TNRC6B: variants seen among roughly 807,000 people sequenced by gnomAD.
TNRC6B encodes trinucleotide repeat-containing gene 6B protein.
In TNRC6B, 52 loss-of-function variants were observed where a neutral mutation model predicts 203.6. The ratio of observed to expected loss-of-function variants is 0.26; its 90% confidence interval spans 0.20 to 0.32. The LOEUF (loss-of-function observed/expected upper bound fraction) is 0.32. TNRC6B is among the 10% of genes least tolerant of loss of function. The pLI is 1.00. For missense variants in TNRC6B, 1,923 were observed against 2,286.2 expected (o/e 0.84, Z 3.24); for synonymous variants, 838 against 845.7 (o/e 0.99, Z 0.16).
intron 3 of TNRC6B, among the ~76,000 whole-genome samples, chr22:40,260,076 CCGA>C (rs954286605): frequency 6.6e-6 from 1 of 151,858 alleles, no homozygotes; most frequent in Non-Finnish European, 1.5e-5. Flanking sequence ...CACGGTTGCC[CCGA>C]CATTCCCACG....
At chr22:40,281,469 C>T (rs1002918903) in intron 11 of TNRC6B, among the ~76,000 whole-genome samples, 180 bp downstream of exon 11, 2 of 151,258 alleles carry the variant, frequency 1.3e-5, no homozygotes, top group African/African-American at 4.8e-5. Context: ...TCATGTTTTT[C>T]AACACGGATT....
rs2146500307 is a variant in TNRC6B at position 40,266,049 on chromosome 22, CTT to C, written c.1822_1823del (p.Leu608GlufsTer4). The C allele has an allele frequency of 6.2e-7, 1 of 1,613,724 alleles. No individual in the cohort carries two copies. The highest frequency in any genetic ancestry group is 1.1e-5 in the South Asian group (1 of 91,086). ...HPDCQAVLQTLLSRTDLDPRV... is the reference protein window; with the variant it reads ...HPDCQAVLQTXLSRTDLDPRV... ...TGATTGTCAGGCTGTCTTGCAGACT[CTT>C]TTGAGCCGAACTGATTTGGACCCCA... On this transcript the variant is annotated frameshift_variant, in exon 5 of 23. Transcript: ENST00000454349. LOFTEE classifies it high-confidence loss of function.
intron 5 of TNRC6B, among the ~76,000 whole-genome samples, chr22:40,267,564 A>G (rs923448097): frequency 2.0e-5 from 3 of 152,168 alleles, no homozygotes; most frequent in African/African-American, 4.8e-5. Flanking sequence ...AGTACTTTGT[A>G]TAAGAGATTG....
At position 40,178,116 on chromosome 22, in the gene TNRC6B, T is replaced by C; in HGVS notation, c.-20T>C. ...ACCTTGTATGCCTCAATTTGCTGGA[T>C]TTAAGCACTGCTGCACTTTATGAGG... On this transcript the variant is annotated 5_prime_UTR_variant, in exon 1 of 23. Transcript: ENST00000454349. 1 of 1,612,732 alleles carries C rather than the reference T, an allele frequency of 6.2e-7. No homozygotes were observed. The highest frequency in any genetic ancestry group is 1.1e-5 in the South Asian group (1 of 90,696).
At position 40,261,964 on chromosome 22, in the gene TNRC6B, C is replaced by T. The variant is rs2070392713; in HGVS notation, c.248C>T (p.Ala83Val). Residue 83 changes from alanine (A) to valine (V), a missense_variant, in exon 4 of 23, where the codon GCC becomes GTC. By Grantham distance (64) the Ala-to-Val change is moderately conservative. This residue lies in a region of TNRC6B where 111 missense variants were observed against 155.3 expected (regional missense o/e 0.71). Coordinates refer to ENST00000454349, the MANE Select transcript of TNRC6B (RefSeq NM_001162501.2). Reference protein sequence around the residue: ...VAVPNGQPPSAARYMPREVPP... With the variant: ...VAVPNGQPPSVARYMPREVPP... ...GTGCCGAACGGACAACCGCCAAGCG[C>T]CGCCCGCTACATGCCTCGGGAGGTG... 6.2e-7 allele frequency: 1 copy of T among 1,612,848 alleles called. No homozygotes were observed. The highest frequency in any genetic ancestry group is 8.5e-7 in the Non-Finnish European group (1 of 1,179,230).
chr22:40,199,810 T>C (rs2069386637), intron 1 of TNRC6B, among the ~76,000 whole-genome samples: 3 of 152,064 alleles, frequency 2.0e-5, no homozygotes, highest in South Asian at 4.1e-4. Context: ...TGTTTTTCTT[T>C]TGAGACAGAG....
At chr22:40,261,792 G>T in intron 3 of TNRC6B, 40 bp from the exon 4 acceptor site, 1 of 1,392,634 alleles carries the variant, frequency 7.2e-7, no homozygotes, top group Non-Finnish European at 9.5e-7. Context: ...AAATGTATTT[G>T]ATGTATTTCA....
At chr22:40,058,854 G>C (rs1406804972) in intron 1 of TNRC6B, among the ~76,000 whole-genome samples, 1 of 151,970 alleles carries the variant, frequency 6.6e-6, no homozygotes, top group African/African-American at 2.4e-5. Flanking sequence ...TTATGTTCAT[G>C]CCACCATCCT....
intron 1 of TNRC6B, among the ~76,000 whole-genome samples, chr22:40,113,521 A>AT (rs1490469914): frequency 1.3e-5 from 2 of 151,932 alleles, no homozygotes; most frequent in African/African-American, 2.4e-5. Context: ...TGCTGGGCTA[A>AT]TTTTTTTGTG....
chr22:40,228,667 C>T (rs922374865), intron 1 of TNRC6B, among the ~76,000 whole-genome samples: 3 of 151,076 alleles, frequency 2.0e-5, no homozygotes, highest in Non-Finnish European at 3.0e-5. Context: ...CTACAGGAGC[C>T]CGCCACCATG....
At chr22:40,056,117 T>C (rs1404532051) in intron 1 of TNRC6B, among the ~76,000 whole-genome samples, 2 of 152,234 alleles carry the variant, frequency 1.3e-5, no homozygotes, top group Admixed American at 1.3e-4. Flanking sequence ...AAGTAGTGTC[T>C]CCTTTCCCCA....
intron 3 of TNRC6B, among the ~76,000 whole-genome samples, chr22:40,137,215 G>A (rs1415116110): frequency 6.6e-6 from 1 of 152,222 alleles, no homozygotes; most frequent in Non-Finnish European, 1.5e-5. Context: ...GGCTGGATCT[G>A]CTTTAGCAAA....
chr22:40,100,823 A>G (rs2068233341), intron 1 of TNRC6B, among the ~76,000 whole-genome samples: 1 of 152,136 alleles, frequency 6.6e-6, no homozygotes, highest in South Asian at 2.1e-4. Context: ...GATTGAACCT[A>G]AGCACTGTAG....
At position 40,124,873 on chromosome 22, in the gene TNRC6B, T is replaced by A. The variant is rs572131250; in HGVS notation, c.-46-899T>A. On this transcript the variant is annotated intron_variant, in intron 2 of 23. Transcript: ENST00000301923. ...ACTAAAAATACAAAAATCGGCCGGG[T>A]GTGGTGGCAGGCGCCTGTAGTCCCA... 4.6e-5 allele frequency among the ~76,000 whole-genome samples: 7 copies of A among 151,444 alleles called. No individual in the cohort carries two copies. In the South Asian group the frequency reaches 1.5e-3, roughly 32 times the overall value.
rs139744680 is a variant in TNRC6B, at chr22:40,243,513, A to G, written c.6-2502A>G. Among the ~76,000 whole-genome samples, 307 of 152,328 alleles carry G rather than the reference A, an allele frequency of 2.0e-3. 1 individual carries two copies. The highest frequency in any genetic ancestry group is 7.2e-3 in the African/African-American group (299 of 41,574). On this transcript the variant is annotated intron_variant, in intron 1 of 22. Transcript: ENST00000454349. ...CCTTAATTGCCTGTTTATAGGGACA[A>G]TATTTGAAAAGGTTTGTTTTTGAAG...
rs1322886576 is a variant in TNRC6B at position 40,315,074 on chromosome 22, C to G, written c.4679-209C>G. ...TCTTTAATTCATATGATAATTCTATCAATTCAGAGTAGTAGTCACTGAAAA... is the reference window on the plus strand; with the variant it reads ...TCTTTAATTCATATGATAATTCTATGAATTCAGAGTAGTAGTCACTGAAAA... On this transcript the variant is annotated intron_variant, in intron 19 of 22. Coordinates refer to ENST00000454349, the MANE Select transcript of TNRC6B (RefSeq NM_001162501.2). 4.6e-5 allele frequency among the ~76,000 whole-genome samples: 7 copies of G among 152,246 alleles called. No homozygotes were observed. In the East Asian group the frequency reaches 1.2e-3, roughly 25 times the overall value.
intron 1 of TNRC6B, among the ~76,000 whole-genome samples, chr22:40,075,156 A>ATATATATTTTTT: frequency 1.4e-4 from 5 of 35,568 alleles, no homozygotes; most frequent in Non-Finnish European, 1.6e-4. Flanking sequence ...ATATATATAT[A>ATATATATTTTTT]TTTTTTTTTT....
At chr22:40,192,735 G>T (rs1366255895) in intron 1 of TNRC6B, among the ~76,000 whole-genome samples, 2 of 152,214 alleles carry the variant, frequency 1.3e-5, no homozygotes. Flanking sequence ...AAGGGATGAT[G>T]CCACAAATTG....
chr22:40,108,203 C>T (rs1177220080), intron 1 of TNRC6B, among the ~76,000 whole-genome samples: 1 of 152,138 alleles, frequency 6.6e-6, no homozygotes, highest in African/African-American at 2.4e-5. Flanking sequence ...ACAGTGGAGG[C>T]TCTGGAGAGG....
Sources: allele counts gnomAD v4.1 joint callset (sites outside exome capture counted in the v4.1 genomes callset), GRCh38; gene constraint gnomAD v4.1.1; regional missense constraint gnomAD v4.1.1; transcripts MANE v1.5; gene names NCBI Gene and HGNC (gene_info 2026-07-23, HGNC 2026-07-21).